Variants in ZNF638 observed in about 807,000 individuals in gnomAD.
ZNF638 encodes the protein CTCL tumor antigen se33-1.
In ZNF638, 46 loss-of-function variants were observed where a neutral mutation model predicts 195.6. That is an observed-to-expected ratio of 0.24 (90% CI 0.19 to 0.30). ZNF638 has a LOEUF of 0.30. Ranked by LOEUF, ZNF638 falls within the 10% of genes least tolerant of loss-of-function variation. The pLI is 1.00. For missense variants in ZNF638, 2,440 were observed against 2,325.3 expected (o/e 1.05, Z -1.01); for synonymous variants, 845 against 772.0 (o/e 1.09, Z -1.57).
intron 15 of ZNF638, among the ~76,000 whole-genome samples, chr2:71,401,678 CTA>C: frequency 6.7e-6 from 1 of 149,026 alleles, no homozygotes; most frequent in East Asian, 2.0e-4. Flanking sequence ...CAGAGCAAGA[CTA>C]AAAAAAAAAA....
In ZNF638 at chr2:71,426,861, T is replaced by C; in HGVS notation, c.4992T>C (p.Thr1664=). 6.2e-7 allele frequency: 1 copy of C among 1,614,198 alleles called. No individual in the cohort carries two copies. Among genetic ancestry groups the C allele is most frequent in the Non-Finnish European group, 8.5e-7 (1 of 1,180,000 alleles). ...CISHSEPKDV[T]VLSVAEEQDL... Reference sequence around the variant, plus strand: ...CCCACAGTGAACCTAAAGATGTTACTGTTCTGTCAGTGGCTGAAGAACAAG... The same window carrying C: ...CCCACAGTGAACCTAAAGATGTTACCGTTCTGTCAGTGGCTGAAGAACAAG... The change falls in exon 24 of 28, where the codon ACT becomes ACC. Residue 1664 remains threonine (T), a synonymous_variant. Coordinates refer to ENST00000264447, the MANE Select transcript of ZNF638 (RefSeq NM_014497.5).
intron 13 of ZNF638, 122 bp from the exon 14 acceptor site, chr2:71,399,990 G>A: frequency 5.6e-6 from 4 of 711,062 alleles, no homozygotes; most frequent in Non-Finnish European, 8.7e-6. Context: ...GAGATGTTTG[G>A]CTTATGTCAG....
chr2:71,429,165 G>A (rs2080603727), intron 25 of ZNF638, among the ~76,000 whole-genome samples: 1 of 152,176 alleles, frequency 6.6e-6, no homozygotes, highest in African/African-American at 2.4e-5. Flanking sequence ...GGGGTTTATT[G>A]ATTCAGAGAG....
chr2:71,352,080 A>G (rs1348795676), intron 2 of ZNF638, among the ~76,000 whole-genome samples: 1 of 152,232 alleles, frequency 6.6e-6, no homozygotes, highest in African/African-American at 2.4e-5. Context: ...GTCAGTTACT[A>G]AATGCACTAA....
chr2:71,365,269 G>A (rs541822629), intron 5 of ZNF638, among the ~76,000 whole-genome samples, 160 bp from the exon 6 acceptor site: 61 of 151,934 alleles, frequency 4.0e-4, no homozygotes, highest in African/African-American at 1.5e-3. Context: ...GGGAATAAAG[G>A]AACTTCATGT....
intron 1 of ZNF638, among the ~76,000 whole-genome samples, chr2:71,341,119 T>C (rs2078755848): frequency 2.0e-5 from 3 of 152,190 alleles, no homozygotes; most frequent in Admixed American, 2.0e-4. Context: ...GTATTGGAGA[T>C]CTCAGAAATA....
chr2:71,337,037 G>C (rs192725215), intron 1 of ZNF638, among the ~76,000 whole-genome samples: 22 of 152,102 alleles, frequency 1.4e-4, no homozygotes, highest in Admixed American at 3.3e-4. Context: ...GTTAGGAAGT[G>C]AACATGATGT....
intron 6 of ZNF638, among the ~76,000 whole-genome samples, chr2:71,366,159 G>C (rs1177861413): frequency 6.6e-6 from 1 of 152,156 alleles, no homozygotes; most frequent in Non-Finnish European, 1.5e-5. Flanking sequence ...AGGCCAGCCA[G>C]AGCTACGTGG....
At chr2:71,369,437 A>G (rs2079268481) in intron 7 of ZNF638, among the ~76,000 whole-genome samples, 1 of 152,032 alleles carries the variant, frequency 6.6e-6, no homozygotes, top group Non-Finnish European at 1.5e-5. Context: ...CCAGGAGTTC[A>G]AGACCAGCCT....
rs761194258 is a variant in ZNF638, at chr2:71,350,127, C to T, written c.1173C>T (p.Ser391=). The change falls in exon 2 of 28, where the codon TCC becomes TCT. Residue 391 remains serine, a synonymous_variant. Coordinates refer to ENST00000264447, the MANE Select transcript of ZNF638 (RefSeq NM_014497.5). Reference sequence around the variant, plus strand: ...CTCCCTTTGGTATTGTGAAAGCATCCTGGCTACCAAAGTTTTCACATGCTG... The same window carrying T: ...CTCCCTTTGGTATTGTGAAAGCATCTTGGCTACCAAAGTTTTCACATGCTG... ...IRSPFGIVKA[S]WLPKFSHADA... 2.5e-6 allele frequency: 4 copies of T among 1,613,946 alleles called. No homozygotes were observed. The African/African-American group carries it at 4.0e-5, about 16-fold the overall frequency.
chr2:71,390,547 TAAA>T (rs1323415278), intron 10 of ZNF638, among the ~76,000 whole-genome samples: 1 of 152,104 alleles, frequency 6.6e-6, no homozygotes, highest in Non-Finnish European at 1.5e-5. Flanking sequence ...CCCCTAAATC[TAAA>T]ATAGCTCAGT....
rs1468807079 is a variant in ZNF638, at chr2:71,405,642, G to C, written c.3000G>C (p.Glu1000Asp). Residue 1000 changes from glutamate to aspartate, a missense_variant and splice_region_variant, in exon 18 of 28, where the codon GAG (glutamate) becomes GAC (aspartate). Physicochemically the swap from Glu to Asp is conservative, Grantham distance 45. Transcript: ENST00000264447. ...CCTTGGTAAAAGAAAATGACCCAGA[G>C]GTAAGTTTTGCATTTAAATGCTTTT... ...FITLVKENDPEANIDTIYDRF... is the reference protein window; with the variant it reads ...FITLVKENDPDANIDTIYDRF... The C allele has an allele frequency of 1.3e-6, 2 of 1,557,896 alleles. No homozygotes were observed. The highest frequency in any genetic ancestry group is 2.8e-5 in the African/African-American group (2 of 72,210).
intron 10 of ZNF638, 93 bp from the exon 11 acceptor site, chr2:71,396,048 G>A: frequency 8.5e-7 from 1 of 1,173,484 alleles, no homozygotes; most frequent in Non-Finnish European, 1.3e-6. Context: ...TTCTTGCAGG[G>A]TTCTTTCGAA....
chr2:71,424,557 T>TA (rs1311402780), intron 22 of ZNF638, 93 bp from the exon 23 acceptor site: 2 of 1,000,210 alleles, frequency 2.0e-6, no homozygotes, highest in African/African-American at 3.3e-5. Context: ...GGGTAATGTT[T>TA]ACTGTTTTTT....
chr2:71,396,450 G>T (rs938015904), intron 11 of ZNF638, among the ~76,000 whole-genome samples: 1 of 151,974 alleles, frequency 6.6e-6, no homozygotes, highest in East Asian at 1.9e-4. Flanking sequence ...TTTTATTGAG[G>T]TCTCTCTTCT....
intron 15 of ZNF638, among the ~76,000 whole-genome samples, chr2:71,401,220 A>G (rs548628195): frequency 6.6e-6 from 1 of 152,304 alleles, no homozygotes; most frequent in African/African-American, 2.4e-5. Flanking sequence ...GATATCAAAA[A>G]TTGCCAAGTT....
intron 4 of ZNF638, among the ~76,000 whole-genome samples, 161 bp from the exon 5 acceptor site, chr2:71,363,793 A>C (rs2079149346): frequency 6.6e-6 from 1 of 152,216 alleles, no homozygotes; most frequent in Non-Finnish European, 1.5e-5. Flanking sequence ...TATAAGGCTG[A>C]ATTACATCAT....
chr2:71,346,691 CATAAG>C (rs1203428326), intron 1 of ZNF638, among the ~76,000 whole-genome samples: 3 of 152,140 alleles, frequency 2.0e-5, no homozygotes, highest in African/African-American at 4.8e-5. Context: ...AGTGCAAAAA[CATAAG>C]ATAGTAAGAA....
At chr2:71,383,325 T>C (rs1391737932) in intron 10 of ZNF638, among the ~76,000 whole-genome samples, 3 of 152,006 alleles carry the variant, frequency 2.0e-5, no homozygotes, top group South Asian at 2.1e-4. Flanking sequence ...CAAAAAAATA[T>C]ATTGTTCTCA....
Sources: allele counts gnomAD v4.1 joint callset (sites outside exome capture counted in the v4.1 genomes callset), GRCh38; gene constraint gnomAD v4.1.1; transcripts MANE v1.5; gene names NCBI Gene and HGNC (gene_info 2026-07-23, HGNC 2026-07-21).